Variants in TACR1 observed in about 807,000 individuals in gnomAD.
The protein encoded by TACR1 is substance-P receptor.
Under a neutral mutation model 35.8 loss-of-function variants are expected in TACR1, and 25 were observed. The observed-to-expected ratio is 0.70, with a 90% confidence interval of 0.51 to 0.98. TACR1 has a LOEUF of 0.98. Ranked by LOEUF, TACR1 falls within the 50% of genes least tolerant of loss-of-function variation. The probability of loss-of-function intolerance (pLI) is 0.00; values close to 1 mark genes in which losing one functional copy is unlikely to be tolerated. For synonymous variants in TACR1, 195 were observed against 206.7 expected (o/e 0.94, Z 0.48); for missense variants, 478 against 522.9 (o/e 0.91, Z 0.84).
At chr2:75,128,874 A>G (rs1674128586) in intron 1 of TACR1, among the ~76,000 whole-genome samples, 2 of 152,194 alleles carry the variant, frequency 1.3e-5, no homozygotes, top group African/African-American at 4.8e-5. Flanking sequence ...GCTGACATGT[A>G]TAAGACAGAC....
At chr2:75,169,207 G>A (rs1675217594) in intron 1 of TACR1, among the ~76,000 whole-genome samples, 1 of 152,006 alleles carries the variant, frequency 6.6e-6, no homozygotes, top group East Asian at 1.9e-4. Flanking sequence ...TAACAACTGA[G>A]TGGAAATCAT....
At chr2:75,143,402 C>G (rs1372311129) in intron 1 of TACR1, among the ~76,000 whole-genome samples, 1 of 152,050 alleles carries the variant, frequency 6.6e-6, no homozygotes, top group Non-Finnish European at 1.5e-5. Context: ...TTGAAATGTC[C>G]AAAGAAATTT....
At position 75,080,398 on chromosome 2, in the gene TACR1, T is replaced by A. The variant is rs1572917059; in HGVS notation, c.585-26643A>T. ...CTCTTCACTTGAGCATCTATCGCCA[T>A]TGGTATGCTCAAAAATAGCTATTTA... On this transcript the variant is annotated intron_variant, in intron 2 of 4. Coordinates refer to ENST00000305249, the MANE Select transcript of TACR1 (RefSeq NM_001058.4). Among the ~76,000 whole-genome samples, 3 of 152,302 alleles carry A rather than the reference T, an allele frequency of 2.0e-5. No homozygotes were observed. In the East Asian group the frequency reaches 5.8e-4, roughly 29 times the overall value.
intron 1 of TACR1, among the ~76,000 whole-genome samples, chr2:75,193,146 C>G (rs1349916047): frequency 6.6e-6 from 1 of 152,142 alleles, no homozygotes; most frequent in Non-Finnish European, 1.5e-5. Context: ...TTCCCATATT[C>G]CCAAGGGAGT....
At chr2:75,189,824 T>C (rs1188393588) in intron 1 of TACR1, 1 of 152,252 alleles carries the variant, frequency 6.6e-6, no homozygotes, top group Non-Finnish European at 1.5e-5. Flanking sequence ...TTTGTGAGTA[T>C]AGTTTGAAAT....
intron 2 of TACR1, among the ~76,000 whole-genome samples, chr2:75,081,980 TTACATATGTA>T (rs1214525671): frequency 2.0e-5 from 3 of 152,022 alleles, no homozygotes; most frequent in Non-Finnish European, 4.4e-5. Context: ...TGCAGGTTTG[TTACATATGTA>T]TACATGTGCT....
At chr2:75,058,571 T>C (rs906429856) in intron 2 of TACR1, among the ~76,000 whole-genome samples, 11 of 152,346 alleles carry the variant, frequency 7.2e-5, no homozygotes, top group Non-Finnish European at 1.2e-4. Flanking sequence ...TGGTGAGATA[T>C]GTGCTGGGTT....
intron 1 of TACR1, among the ~76,000 whole-genome samples, chr2:75,167,333 C>T (rs1039709340): frequency 2.0e-5 from 3 of 152,072 alleles, no homozygotes; most frequent in Non-Finnish European, 4.4e-5. Flanking sequence ...CCCAATAGAT[C>T]AGAAACAGAG....
At chr2:75,193,804 A>G (rs1230834252) in intron 1 of TACR1, among the ~76,000 whole-genome samples, 1 of 152,198 alleles carries the variant, frequency 6.6e-6, no homozygotes, top group Non-Finnish European at 1.5e-5. Context: ...TACAACCCAT[A>G]TGAAACATTT....
intron 1 of TACR1, among the ~76,000 whole-genome samples, chr2:75,136,326 C>T (rs1195721388): frequency 6.6e-6 from 1 of 152,164 alleles, no homozygotes; most frequent in Non-Finnish European, 1.5e-5. Context: ...AGAGGACGTG[C>T]TAAAGACGTG....
At chr2:75,172,680 C>T (rs149229886) in intron 1 of TACR1, among the ~76,000 whole-genome samples, 1 of 152,234 alleles carries the variant, frequency 6.6e-6, no homozygotes, top group East Asian at 1.9e-4. Context: ...AAAATTATGA[C>T]TTGCCCCAGC....
chr2:75,070,119 T>A (rs1326212622), intron 2 of TACR1, among the ~76,000 whole-genome samples: 3 of 152,210 alleles, frequency 2.0e-5, no homozygotes, highest in Non-Finnish European at 4.4e-5. Context: ...ATTATATATT[T>A]GGCATTATAA....
chr2:75,178,956 A>G (rs115251391), intron 1 of TACR1, among the ~76,000 whole-genome samples: 1 of 152,174 alleles, frequency 6.6e-6, no homozygotes, highest in African/African-American at 2.4e-5. Flanking sequence ...GATTGTATAC[A>G]GTCCTATGGT....
intron 1 of TACR1, among the ~76,000 whole-genome samples, chr2:75,178,360 T>C (rs2104038082): frequency 6.6e-6 from 1 of 152,248 alleles, no homozygotes; most frequent in South Asian, 2.1e-4. Flanking sequence ...AATTTTTGTA[T>C]TTTTAGTAGA....
At chr2:75,135,856 C>G (rs1399227279) in intron 1 of TACR1, among the ~76,000 whole-genome samples, 2 of 152,270 alleles carry the variant, frequency 1.3e-5, no homozygotes, top group African/African-American at 4.8e-5. Flanking sequence ...TAAGACCTAG[C>G]TTTCCTGTGG....
At chr2:75,190,771 G>A (rs150962399) in intron 1 of TACR1, among the ~76,000 whole-genome samples, 10 of 152,260 alleles carry the variant, frequency 6.6e-5, no homozygotes, top group African/African-American at 2.2e-4. Context: ...GGTAGAACCA[G>A]CACTGGAACC....
chr2:75,079,413 T>C (rs1265225319), intron 2 of TACR1, among the ~76,000 whole-genome samples: 6 of 152,236 alleles, frequency 3.9e-5, no homozygotes, highest in African/African-American at 1.2e-4. Flanking sequence ...TACTTTCTAC[T>C]GGTTAAAGTG....
intron 2 of TACR1, among the ~76,000 whole-genome samples, chr2:75,076,967 CTAT>C (rs1037255745): frequency 1.4e-4 from 22 of 152,204 alleles, no homozygotes; most frequent in Admixed American, 1.2e-3. Context: ...CACCACACAT[CTAT>C]TATTATTATT....
At chr2:75,198,449 T>A in intron 1 of TACR1, 97 bp downstream of exon 1, 5 of 1,423,564 alleles carry the variant, frequency 3.5e-6, no homozygotes, top group Non-Finnish European at 4.8e-6. Context: ...GTGGCCAATC[T>A]TCCACTTGAC....
Sources: gnomAD v4.1 joint callset for allele counts (sites outside exome capture counted in the v4.1 genomes callset) on GRCh38, gnomAD v4.1.1 for gene constraint, MANE v1.5 for transcripts, NCBI Gene and HGNC (gene_info 2026-07-23, HGNC 2026-07-21) for gene names.